LRGUK: variants seen among roughly 807,000 people sequenced by gnomAD.
LRGUK encodes the protein leucine rich repeats and guanylate kinase domain containing.
LRGUK carries 65 observed loss-of-function variants against 76.0 expected under a neutral mutation model. The observed-to-expected ratio is 0.85, with a 90% CI of 0.70 to 1.05. LRGUK has a LOEUF of 1.05. Among genes scored for constraint, LRGUK ranks in the 50% least tolerant of loss-of-function variants. The pLI, the probability that LRGUK is intolerant of heterozygous loss-of-function variation, is 0.00. For synonymous variants in LRGUK, 268 were observed against 265.6 expected (o/e 1.01, Z -0.09); for missense variants, 758 against 732.8 (o/e 1.03, Z -0.40).
At chr7:134,228,758 G>A (rs1228771104) in intron 16 of LRGUK, among the ~76,000 whole-genome samples, 1 of 152,070 alleles carries the variant, frequency 6.6e-6, no homozygotes, top group Non-Finnish European at 1.5e-5. Context: ...TTGAAGTCTA[G>A]GAAGAGGGTA....
intron 3 of LRGUK, among the ~76,000 whole-genome samples, chr7:134,139,962 T>G (rs1340163864): frequency 1.3e-5 from 2 of 152,168 alleles, no homozygotes; most frequent in Non-Finnish European, 1.5e-5. Flanking sequence ...AATCTTATTT[T>G]TAAAATTAAA....
intron 10 of LRGUK, among the ~76,000 whole-genome samples, chr7:134,181,960 A>G (rs1799771114): frequency 6.6e-6 from 1 of 152,100 alleles, no homozygotes; most frequent in Non-Finnish European, 1.5e-5. Context: ...GTTTTATCAC[A>G]AGGATCCCTT....
chr7:134,177,430 A>C (rs917174353), intron 9 of LRGUK, among the ~76,000 whole-genome samples: 1 of 152,218 alleles, frequency 6.6e-6, no homozygotes, highest in Non-Finnish European at 1.5e-5. Context: ...AAATTCATTT[A>C]ACAATAAAAT....
At chr7:134,202,455 G>A (rs1328044165) in intron 15 of LRGUK, among the ~76,000 whole-genome samples, 2 of 152,092 alleles carry the variant, frequency 1.3e-5, no homozygotes, top group Non-Finnish European at 2.9e-5. Context: ...ATTAGCAATA[G>A]AACTGTCCTA....
chr7:134,176,897 G>A (rs1799503141), intron 8 of LRGUK, 80 bp from the exon 9 acceptor site: 2 of 793,166 alleles, frequency 2.5e-6, no homozygotes, highest in Admixed American at 2.1e-5. Flanking sequence ...AAAGGCCCAA[G>A]CTCATGAAAA....
rs536139389 is a variant in LRGUK, at chr7:134,239,255, G to A, written c.1984-8301G>A. Among the ~76,000 whole-genome samples the A allele has an allele frequency of 2.6e-4, 39 of 152,308 alleles. No homozygotes were observed. In the East Asian group the frequency reaches 3.5e-3, roughly 14 times the overall value. On this transcript the variant is annotated intron_variant, in intron 16 of 19. Transcript: ENST00000285928. Reference sequence around the variant, plus strand: ...AGCCCACAGAGCAGAGTGGGGCATCGCCTCACCCGGGAAGCGCAAGGAGTC... The same window carrying A: ...AGCCCACAGAGCAGAGTGGGGCATCACCTCACCCGGGAAGCGCAAGGAGTC...
chr7:134,166,639 A>G (rs1426923709), intron 7 of LRGUK, among the ~76,000 whole-genome samples: 1 of 152,218 alleles, frequency 6.6e-6, no homozygotes, highest in Non-Finnish European at 1.5e-5. Context: ...TGCTCCTCCC[A>G]GAGCTCCCCA....
intron 19 of LRGUK, among the ~76,000 whole-genome samples, chr7:134,258,724 A>G (rs1247577888): frequency 6.6e-6 from 1 of 152,010 alleles, no homozygotes; most frequent in Non-Finnish European, 1.5e-5. Flanking sequence ...GTTGTTTTAC[A>G]TATGGTACTA....
intron 1 of LRGUK, among the ~76,000 whole-genome samples, chr7:134,129,071 C>T (rs1290922276): frequency 1.3e-5 from 2 of 151,174 alleles, no homozygotes; most frequent in African/African-American, 4.9e-5. Context: ...CTTTCTCTTT[C>T]TTTCTTTCTC....
chr7:134,211,807 G>T (rs906579386), downstream of LRGUK, among the ~76,000 whole-genome samples: 2 of 152,160 alleles, frequency 1.3e-5, no homozygotes, highest in African/African-American at 4.8e-5. Context: ...TCCACTCTAA[G>T]CCAGCTTCTG....
intron 16 of LRGUK, among the ~76,000 whole-genome samples, chr7:134,232,390 G>A (rs1006981550): frequency 4.6e-5 from 7 of 151,646 alleles, no homozygotes; most frequent in Admixed American, 4.6e-4. Flanking sequence ...GTGATTCTCC[G>A]GCCTCAGCCT....
At chr7:134,139,270 A>C (rs899992201) in intron 2 of LRGUK, among the ~76,000 whole-genome samples, 166 bp from the exon 3 acceptor site, 1 of 151,936 alleles carries the variant, frequency 6.6e-6, no homozygotes, top group Non-Finnish European at 1.5e-5. Flanking sequence ...TTTTTATGGC[A>C]TCTGTTTTGA....
chr7:134,270,883 T>C, the LRGUK span, among the ~76,000 whole-genome samples: 1 of 152,078 alleles, frequency 6.6e-6, no homozygotes, highest in Non-Finnish European at 1.5e-5. Context: ...TACAAATATT[T>C]AACTATCAGA....
At chr7:134,179,468 A>T (rs372002763) in intron 10 of LRGUK, among the ~76,000 whole-genome samples, 274 of 152,282 alleles carry the variant, frequency 1.8e-3, no homozygotes, top group Middle Eastern at 0.01. Context: ...TTTGCAACCC[A>T]GGACATGATT....
chr7:134,174,617 T>G, exon 8 of LRGUK: 2 of 1,599,366 alleles, frequency 1.3e-6, no homozygotes, highest in South Asian at 1.1e-5. Flanking sequence ...GTTCTCAATC[T>G]TCTAGAAAAT....
chr7:134,215,839 G>C (rs747064426), intron 15 of LRGUK, among the ~76,000 whole-genome samples: 2 of 152,204 alleles, frequency 1.3e-5, no homozygotes, highest in African/African-American at 4.8e-5. Flanking sequence ...CAGGCATTCA[G>C]AGAAGAGGAT....
At chr7:134,204,480 A>G (rs1401047069) in intron 15 of LRGUK, among the ~76,000 whole-genome samples, 1 of 152,230 alleles carries the variant, frequency 6.6e-6, no homozygotes, top group Non-Finnish European at 1.5e-5. Flanking sequence ...TTCCAACTGT[A>G]AAAGGTAGGT....
chr7:134,171,753 T>C (rs897824007), intron 7 of LRGUK, among the ~76,000 whole-genome samples: 1 of 152,200 alleles, frequency 6.6e-6, no homozygotes, highest in African/African-American at 2.4e-5. Flanking sequence ...GGTATTTCAC[T>C]GCAAGCTATT....
chr7:134,141,222 T>C (rs542058935), intron 3 of LRGUK, among the ~76,000 whole-genome samples: 1 of 152,342 alleles, frequency 6.6e-6, no homozygotes, highest in East Asian at 1.9e-4. Flanking sequence ...TGTTTCTTTT[T>C]GTGATGACAG....
Sources: gnomAD v4.1 joint callset for allele counts (sites outside exome capture counted in the v4.1 genomes callset) on GRCh38, gnomAD v4.1.1 for gene constraint, MANE v1.5 for transcripts, NCBI Gene and HGNC (gene_info 2026-07-23, HGNC 2026-07-21) for gene names.